Variants in SGCZ observed in about 807,000 individuals in gnomAD.
The protein encoded by SGCZ is zeta-sarcoglycan.
Under a neutral mutation model 41.3 loss-of-function variants are expected in SGCZ, and 40 were observed. That is an observed-to-expected ratio of 0.97 (90% CI 0.75 to 1.26). SGCZ has a LOEUF of 1.26. Ranked by LOEUF, SGCZ falls within the 50% of genes most tolerant of loss-of-function variation. The pLI is 0.00. For synonymous variants in SGCZ, 206 were observed against 137.5 expected, an observed-to-expected ratio of 1.50 and a Z score of -3.49; for missense variants, 552 against 369.8, an observed-to-expected ratio of 1.49 and a Z score of -4.04.
chr8:14,624,562 T>A (rs1213542986), intron 1 of SGCZ, among the ~76,000 whole-genome samples: 25,343 of 104,860 alleles, frequency 0.24, 2,967 homozygotes, highest in Admixed American at 0.32. Flanking sequence ...ATTATTTTTT[T>A]TTTTTTTTTT....
chr8:14,811,816 G>A (rs1325723876), intron 1 of SGCZ, among the ~76,000 whole-genome samples: 1 of 151,896 alleles, frequency 6.6e-6, no homozygotes, highest in Non-Finnish European at 1.5e-5. Context: ...TTCCCTTTCA[G>A]ATCAAATAGA....
At chr8:14,548,552 A>G (rs887741467) in intron 2 of SGCZ, among the ~76,000 whole-genome samples, 1 of 152,158 alleles carries the variant, frequency 6.6e-6, no homozygotes, top group East Asian at 1.9e-4. Flanking sequence ...TCTATGTTCT[A>G]TCAAAATTCC....
At chr8:14,757,720 G>C (rs1799724517) in intron 1 of SGCZ, among the ~76,000 whole-genome samples, 1 of 152,164 alleles carries the variant, frequency 6.6e-6, no homozygotes, top group Admixed American at 6.5e-5. Context: ...AATCGAATCA[G>C]AACCTAAAAA....
intron 1 of SGCZ, among the ~76,000 whole-genome samples, chr8:14,784,462 C>T (rs1024650733): frequency 6.6e-6 from 1 of 151,844 alleles, no homozygotes; most frequent in Admixed American, 6.6e-5. Flanking sequence ...AAAATAGTAT[C>T]AAATTTGGGT....
intron 3 of SGCZ, among the ~76,000 whole-genome samples, chr8:14,305,763 T>G (rs1207360680): frequency 6.6e-6 from 1 of 152,212 alleles, no homozygotes; most frequent in Non-Finnish European, 1.5e-5. Flanking sequence ...TTGAATCAAT[T>G]TCTTATCACT....
intron 1 of SGCZ, among the ~76,000 whole-genome samples, chr8:14,991,452 C>A (rs1022641004): frequency 6.6e-6 from 1 of 152,138 alleles, no homozygotes; most frequent in Non-Finnish European, 1.5e-5. Flanking sequence ...GATAAAGACA[C>A]TGCATATACC....
At chr8:14,841,334 C>T (rs575746403) in intron 1 of SGCZ, among the ~76,000 whole-genome samples, 1 of 151,978 alleles carries the variant, frequency 6.6e-6, no homozygotes, top group Non-Finnish European at 1.5e-5. Context: ...GATAAATAGG[C>T]AGTTTCAAAA....
At chr8:14,454,001 AT>A (rs892460739) in intron 2 of SGCZ, among the ~76,000 whole-genome samples, 7 of 151,812 alleles carry the variant, frequency 4.6e-5, no homozygotes, top group African/African-American at 1.7e-4. Context: ...CAAAAAAAAA[AT>A]AATTGTTTTT....
intron 1 of SGCZ, among the ~76,000 whole-genome samples, chr8:15,146,335 T>C (rs77858974): frequency 0.025 from 3,769 of 152,296 alleles, 152 homozygotes; most frequent in African/African-American, 0.085. Context: ...GAGAGCTAAA[T>C]TCTAATCAAT....
chr8:15,160,522 C>T (rs1329327836), intron 1 of SGCZ, among the ~76,000 whole-genome samples: 1 of 151,846 alleles, frequency 6.6e-6, no homozygotes, highest in African/African-American at 2.4e-5. Flanking sequence ...ACCCTATTCC[C>T]CAGGAGAGTC....
chr8:14,956,709 T>C (rs191643557), intron 1 of SGCZ, among the ~76,000 whole-genome samples: 170 of 152,336 alleles, frequency 1.1e-3, no homozygotes, highest in Non-Finnish European at 7.1e-4. Context: ...ATCATACAAC[T>C]AAATTCACAT....
intron 1 of SGCZ, among the ~76,000 whole-genome samples, chr8:14,568,818 G>T (rs1397495529): frequency 6.6e-6 from 1 of 152,126 alleles, no homozygotes; most frequent in African/African-American, 2.4e-5. Context: ...ACATCCATGG[G>T]CTTCATTAAA....
chr8:14,677,277 T>A (rs1808307577), intron 1 of SGCZ, among the ~76,000 whole-genome samples: 1 of 151,728 alleles, frequency 6.6e-6, no homozygotes, highest in South Asian at 2.1e-4. Context: ...ATAAAGAAAA[T>A]TATAAGACTC....
intron 5 of SGCZ, among the ~76,000 whole-genome samples, chr8:14,120,082 A>G (rs2117033002): frequency 6.6e-6 from 1 of 152,214 alleles, no homozygotes; most frequent in East Asian, 1.9e-4. Flanking sequence ...AAGAAAATTT[A>G]AAGGCTCACA....
intron 4 of SGCZ, among the ~76,000 whole-genome samples, chr8:14,223,074 T>A (rs541480855): frequency 6.6e-6 from 1 of 151,996 alleles, no homozygotes; most frequent in Non-Finnish European, 1.5e-5. Flanking sequence ...CCTCCCAAAG[T>A]GCTGGGATTA....
intron 1 of SGCZ, among the ~76,000 whole-genome samples, chr8:15,075,299 T>C (rs1262011068): frequency 6.6e-6 from 1 of 152,166 alleles, no homozygotes; most frequent in African/African-American, 2.4e-5. Flanking sequence ...TTCTCAGATT[T>C]AGAGTGAATC....
chr8:14,260,591 TACTGGGTATATACCC>T (rs1399491443), intron 3 of SGCZ, among the ~76,000 whole-genome samples: 1 of 148,808 alleles, frequency 6.7e-6, no homozygotes, highest in Non-Finnish European at 1.5e-5. Context: ...GCCATCCCAT[TACTGGGTATATACCC>T]AAAGGACTAT....
chr8:15,180,189 T>C (rs1800126163), intron 1 of SGCZ, among the ~76,000 whole-genome samples: 1 of 152,172 alleles, frequency 6.6e-6, no homozygotes, highest in African/African-American at 2.4e-5. Flanking sequence ...ACTAATATCA[T>C]GATGTCACTA....
intron 3 of SGCZ, among the ~76,000 whole-genome samples, chr8:14,322,263 C>G (rs965132475): frequency 5.3e-5 from 8 of 151,980 alleles, no homozygotes; most frequent in Non-Finnish European, 8.8e-5. Flanking sequence ...TATAGGGAGA[C>G]AAACAATAAT....
Sources: allele counts gnomAD v4.1 joint callset (sites outside exome capture counted in the v4.1 genomes callset), GRCh38; gene constraint gnomAD v4.1.1; transcripts MANE v1.5; gene names NCBI Gene and HGNC (gene_info 2026-07-23, HGNC 2026-07-21).